Variants in UNC13C observed in about 807,000 individuals in gnomAD.
The protein encoded by UNC13C is protein unc-13 homolog C.
UNC13C carries 174 observed loss-of-function variants against 245.4 expected under a neutral mutation model. The observed-to-expected ratio is 0.71, with a 90% CI of 0.63 to 0.80. The LOEUF is 0.80. UNC13C is among the 30% of genes least tolerant of loss of function. The pLI is 0.00. For missense variants in UNC13C, 2,829 were observed against 2,602.9 expected (o/e 1.09, Z -1.89); for synonymous variants, 992 against 895.1 (o/e 1.11, Z -1.93).
chr15:53,882,721 T>C, the UNC13C span, among the ~76,000 whole-genome samples: 1 of 152,166 alleles, frequency 6.6e-6, no homozygotes, highest in Admixed American at 6.6e-5. Flanking sequence ...AAAACCAGTG[T>C]ATTCTTGGGT....
intron 25 of UNC13C, among the ~76,000 whole-genome samples, chr15:54,527,206 C>T (rs1042023672): frequency 6.6e-6 from 1 of 152,106 alleles, no homozygotes; most frequent in Non-Finnish European, 1.5e-5. Context: ...ATAGATTGTT[C>T]CAGAGATGTA....
intron 4 of UNC13C, among the ~76,000 whole-genome samples, chr15:54,165,565 C>T (rs116706962): frequency 1.3e-3 from 203 of 152,196 alleles, no homozygotes; most frequent in African/African-American, 4.6e-3. Context: ...GTAGTTCTTA[C>T]ATCAACAAAT....
At chr15:53,860,680 C>T in the UNC13C span, among the ~76,000 whole-genome samples, 6 of 152,264 alleles carry the variant, frequency 3.9e-5, no homozygotes, top group Admixed American at 2.0e-4. Flanking sequence ...ATTCACTCTT[C>T]GTATAACATG....
the UNC13C span, among the ~76,000 whole-genome samples, chr15:53,848,996 A>AT: frequency 2.0e-5 from 3 of 151,844 alleles, no homozygotes; most frequent in Admixed American, 2.0e-4. Context: ...AACTTTTCCC[A>AT]TTACTCTTAA....
At chr15:54,559,198 T>G (rs1282297370) in intron 29 of UNC13C, among the ~76,000 whole-genome samples, 1 of 152,046 alleles carries the variant, frequency 6.6e-6, no homozygotes, top group Non-Finnish European at 1.5e-5. Context: ...TAACTATAAA[T>G]TCAAATATAG....
At chr15:54,348,478 C>A (rs1042390842) in intron 17 of UNC13C, among the ~76,000 whole-genome samples, 1 of 152,078 alleles carries the variant, frequency 6.6e-6, no homozygotes, top group African/African-American at 2.4e-5. Context: ...TCAATTAATG[C>A]TTACTAAATG....
intron 2 of UNC13C, among the ~76,000 whole-genome samples, chr15:54,064,410 T>G (rs1172199230): frequency 5.3e-5 from 8 of 152,196 alleles, no homozygotes; most frequent in Non-Finnish European, 1.0e-4. Flanking sequence ...CCTCACACAG[T>G]GAGGGCTGGC....
chr15:54,261,225 G>C (rs971219074), intron 8 of UNC13C, among the ~76,000 whole-genome samples: 10 of 152,114 alleles, frequency 6.6e-5, no homozygotes, highest in Non-Finnish European at 7.4e-5. Flanking sequence ...CACACGCTTT[G>C]AAGAAAGACT....
intron 4 of UNC13C, among the ~76,000 whole-genome samples, chr15:54,179,164 T>A (rs10083610): frequency 0.11 from 16,172 of 152,064 alleles, 1,456 homozygotes; most frequent in African/African-American, 0.24. Flanking sequence ...TCTTACAGAA[T>A]TCAACAGGAA....
At chr15:53,909,028 T>C in the UNC13C span, among the ~76,000 whole-genome samples, 3 of 146,418 alleles carry the variant, frequency 2.0e-5, no homozygotes, top group African/African-American at 7.3e-5. Context: ...ATAAATAATA[T>C]TGTTTTATCA....
chr15:53,890,171 T>C, the UNC13C span, among the ~76,000 whole-genome samples: 1 of 151,256 alleles, frequency 6.6e-6, no homozygotes, highest in African/African-American at 2.4e-5. Flanking sequence ...AGACGGATTC[T>C]CACTGCGTCA....
chr15:53,891,551 G>A, the UNC13C span, among the ~76,000 whole-genome samples: 1 of 151,938 alleles, frequency 6.6e-6, no homozygotes, highest in African/African-American at 2.4e-5. Flanking sequence ...TCCTGTATTG[G>A]GTACATATAT....
At chr15:54,467,556 A>C (rs915994737) in intron 19 of UNC13C, among the ~76,000 whole-genome samples, 17 of 151,722 alleles carry the variant, frequency 1.1e-4, no homozygotes, top group Admixed American at 1.1e-3. Context: ...CATGCTATGC[A>C]ATAAAACACC....
intron 26 of UNC13C, among the ~76,000 whole-genome samples, chr15:54,544,822 T>G (rs1296467850): frequency 2.0e-5 from 3 of 152,138 alleles, no homozygotes; most frequent in Non-Finnish European, 4.4e-5. Context: ...GGAAATAAAT[T>G]TCATGTTCAT....
intron 16 of UNC13C, among the ~76,000 whole-genome samples, chr15:54,337,184 C>T (rs2038602275): frequency 6.6e-6 from 1 of 152,124 alleles, no homozygotes; most frequent in Non-Finnish European, 1.5e-5. Flanking sequence ...CTGCTTTATT[C>T]CTTCTCATTT....
At chr15:54,030,729 G>A (rs1896322861) in intron 2 of UNC13C, among the ~76,000 whole-genome samples, 1 of 152,182 alleles carries the variant, frequency 6.6e-6, no homozygotes, top group Non-Finnish European at 1.5e-5. Flanking sequence ...AGTGAGGGCT[G>A]CTCTCTGCTT....
intron 18 of UNC13C, among the ~76,000 whole-genome samples, chr15:54,398,573 G>A (rs1012579075): frequency 4.0e-5 from 6 of 151,254 alleles, no homozygotes; most frequent in Non-Finnish European, 5.9e-5. Context: ...AAAATCATCC[G>A]GGCTTAGAGT....
upstream of UNC13C, chr15:53,974,781 A>G (rs1262320027): frequency 6.6e-6 from 1 of 151,314 alleles, no homozygotes; most frequent in African/African-American, 2.4e-5. Flanking sequence ...TTATTATCTC[A>G]CAGTTCCTGT....
At chr15:53,879,071 T>C in the UNC13C span, among the ~76,000 whole-genome samples, 1 of 152,200 alleles carries the variant, frequency 6.6e-6, no homozygotes, top group African/African-American at 2.4e-5. Flanking sequence ...GATTCCCTTG[T>C]AAAAATAGTA....
Sources: allele counts gnomAD v4.1 joint callset (sites outside exome capture counted in the v4.1 genomes callset), GRCh38; gene constraint gnomAD v4.1.1; transcripts MANE v1.5; gene names NCBI Gene and HGNC (gene_info 2026-07-23, HGNC 2026-07-21).